Variants in NPFFR2 observed in about 807,000 individuals in gnomAD.
NPFFR2 encodes neuropeptide FF receptor 2.
Under a neutral mutation model 13.1 loss-of-function variants are expected in NPFFR2, and 15 were observed. The observed-to-expected ratio is 1.15, with a 90% confidence interval of 0.77 to 1.76. NPFFR2 has a LOEUF of 1.76. Among genes scored for constraint, NPFFR2 ranks in the 40% most tolerant of loss-of-function variants. The pLI is 0.00. For synonymous variants in NPFFR2, 190 were observed against 175.7 expected (o/e 1.08, Z -0.65); for missense variants, 572 against 503.5 (o/e 1.14, Z -1.30).
chr4:72,044,750 T>TA (rs71215407), intron 1 of NPFFR2, among the ~76,000 whole-genome samples: 134,904 of 151,654 alleles, frequency 0.89, 61,149 homozygotes, highest in Non-Finnish European at 0.98. Flanking sequence ...GGATTATTAT[T>TA]TTTTTTTCTG....
At chr4:72,058,017 A>G (rs1719803385) in intron 1 of NPFFR2, among the ~76,000 whole-genome samples, 1 of 152,002 alleles carries the variant, frequency 6.6e-6, no homozygotes, top group African/African-American at 2.4e-5. Context: ...GAGGATGGAG[A>G]GGCTTGGCTA....
chr4:72,124,810 A>G (rs1031431277), intron 1 of NPFFR2, among the ~76,000 whole-genome samples: 4 of 152,216 alleles, frequency 2.6e-5, no homozygotes, highest in Non-Finnish European at 5.9e-5. Context: ...ACCTAAAACC[A>G]TAAAAACCCT....
At chr4:72,120,451 C>T (rs1392125516) in intron 1 of NPFFR2, among the ~76,000 whole-genome samples, 3 of 152,184 alleles carry the variant, frequency 2.0e-5, no homozygotes, top group Non-Finnish European at 4.4e-5. Flanking sequence ...CCCCTGAGTC[C>T]CCTGACTGGG....
intron 3 of NPFFR2, among the ~76,000 whole-genome samples, chr4:72,141,815 G>A (rs186864566): frequency 2.8e-4 from 42 of 152,174 alleles, no homozygotes; most frequent in Non-Finnish European, 5.2e-4. Context: ...GGATATCATT[G>A]TTAACATTCT....
chr4:72,099,786 C>G (rs764256771), intron 1 of NPFFR2, among the ~76,000 whole-genome samples: 1 of 152,066 alleles, frequency 6.6e-6, no homozygotes, highest in Non-Finnish European at 1.5e-5. Context: ...AAAAACTTGG[C>G]ATTTTATTAC....
intron 2 of NPFFR2, among the ~76,000 whole-genome samples, chr4:72,130,592 C>T (rs1348916494): frequency 2.0e-5 from 3 of 152,094 alleles, no homozygotes; most frequent in African/African-American, 7.2e-5. Context: ...TCCCTTGACC[C>T]CTGCTTGGGA....
intron 3 of NPFFR2, among the ~76,000 whole-genome samples, chr4:72,141,103 A>G (rs180760284): frequency 0.031 from 4,663 of 151,652 alleles, 224 homozygotes; most frequent in African/African-American, 0.1. Context: ...ATCAGTGGTG[A>G]TATCCCCTTT....
chr4:72,130,733 C>T (rs962792229), intron 2 of NPFFR2, among the ~76,000 whole-genome samples: 3 of 152,122 alleles, frequency 2.0e-5, no homozygotes, highest in African/African-American at 7.2e-5. Context: ...AATCCTGTAC[C>T]AGCCCCAGGG....
At chr4:72,083,791 C>T (rs922545998) in intron 1 of NPFFR2, among the ~76,000 whole-genome samples, 3 of 152,052 alleles carry the variant, frequency 2.0e-5, no homozygotes, top group Non-Finnish European at 4.4e-5. Flanking sequence ...CTCATAAAAC[C>T]AAGCACTTTA....
intron 2 of NPFFR2, among the ~76,000 whole-genome samples, chr4:72,131,287 C>A (rs908185505): frequency 4.6e-5 from 7 of 152,012 alleles, no homozygotes; most frequent in African/African-American, 1.7e-4. Flanking sequence ...CCTTTTCTAA[C>A]TAGTATTTCC....
In NPFFR2 at chr4:72,101,099, A is replaced by G. The variant is rs186079866; in HGVS notation, c.-7-27486A>G. 2.3e-3 allele frequency among the ~76,000 whole-genome samples: 348 copies of G among 152,248 alleles called. 2 individuals are homozygous for G. The highest frequency in any genetic ancestry group is 8.1e-3 in the African/African-American group (338 of 41,584). On this transcript the variant is annotated intron_variant, in intron 1 of 3. Coordinates refer to ENST00000308744, the MANE Select transcript of NPFFR2 (RefSeq NM_004885.3). The stretch of plus-strand genomic sequence containing the variant: ...AAATCTACACTATTTCCACTTATTT[A>G]CATTTTAAATAATAAAATTACGTTA...
intron 1 of NPFFR2, among the ~76,000 whole-genome samples, chr4:72,079,147 T>C (rs1720528783): frequency 6.6e-6 from 1 of 151,822 alleles, no homozygotes; most frequent in African/African-American, 2.4e-5. Flanking sequence ...CTGCTTGTGG[T>C]ATTGTACTGT....
At chr4:72,053,541 T>G (rs1025344455) in intron 1 of NPFFR2, among the ~76,000 whole-genome samples, 1 of 151,968 alleles carries the variant, frequency 6.6e-6, no homozygotes, top group African/African-American at 2.4e-5. Flanking sequence ...ATGTATTTTG[T>G]TTTTTTATTT....
At chr4:72,119,485 G>T (rs891424899) in intron 1 of NPFFR2, among the ~76,000 whole-genome samples, 1 of 152,036 alleles carries the variant, frequency 6.6e-6, no homozygotes, top group Admixed American at 6.6e-5. Context: ...AAATGTAGCT[G>T]GCAAGATGGC....
At chr4:72,043,315 C>T (rs2109757468) in intron 1 of NPFFR2, among the ~76,000 whole-genome samples, 1 of 152,260 alleles carries the variant, frequency 6.6e-6, no homozygotes, top group South Asian at 2.1e-4. Context: ...GGGTTGGAGC[C>T]CTGAGAGAGT....
At chr4:72,059,095 A>G (rs768761362) in intron 1 of NPFFR2, among the ~76,000 whole-genome samples, 26 of 151,980 alleles carry the variant, frequency 1.7e-4, no homozygotes, top group African/African-American at 6.3e-4. Flanking sequence ...GCAATTTACT[A>G]TTTTGGGGTG....
chr4:72,121,724 C>A (rs1383551813), intron 1 of NPFFR2, among the ~76,000 whole-genome samples: 1 of 152,186 alleles, frequency 6.6e-6, no homozygotes, highest in Admixed American at 6.5e-5. Flanking sequence ...CACCACCAGG[C>A]CTGCCTTACA....
chr4:72,067,637 C>G (rs920130697), intron 1 of NPFFR2, among the ~76,000 whole-genome samples: 12 of 151,242 alleles, frequency 7.9e-5, no homozygotes, highest in African/African-American at 2.2e-4. Flanking sequence ...TTTTTTTTCT[C>G]TCTTCTCACA....
intron 1 of NPFFR2, among the ~76,000 whole-genome samples, chr4:72,063,789 A>G (rs1719990641): frequency 1.3e-5 from 2 of 152,222 alleles, no homozygotes; most frequent in African/African-American, 4.8e-5. Flanking sequence ...TCTTTTACCT[A>G]TAATGTGTTA....
Sources: allele counts gnomAD v4.1 joint callset (sites outside exome capture counted in the v4.1 genomes callset), GRCh38; gene constraint gnomAD v4.1.1; transcripts MANE v1.5; gene names NCBI Gene and HGNC (gene_info 2026-07-23, HGNC 2026-07-21).